EDC3: variants seen among roughly 807,000 people sequenced by gnomAD.
The protein encoded by EDC3 is enhancer of mRNA decapping 3.
In EDC3, 20 loss-of-function variants were observed where a neutral mutation model predicts 41.8. That is an observed-to-expected ratio of 0.48 (90% CI 0.34 to 0.70). The LOEUF is 0.70. Among genes scored for constraint, EDC3 ranks in the 30% least tolerant of loss-of-function variants. The pLI, the probability that EDC3 is intolerant of heterozygous loss-of-function variation, is 0.01. For missense variants in EDC3, 444 were observed against 636.8 expected, an observed-to-expected ratio of 0.70 and a Z score of 3.26; for synonymous variants, 206 against 243.2, an observed-to-expected ratio of 0.85 and a Z score of 1.42.
chr15:74,665,519 C>T (rs551427966), intron 3 of EDC3, among the ~76,000 whole-genome samples: 1 of 152,304 alleles, frequency 6.6e-6, no homozygotes, highest in East Asian at 1.9e-4. Context: ...TATACCCATA[C>T]ACAGAGCTGC....
At chr15:74,679,243 A>G (rs2062842258) in intron 1 of EDC3, among the ~76,000 whole-genome samples, 1 of 152,080 alleles carries the variant, frequency 6.6e-6, no homozygotes, top group Admixed American at 6.6e-5. Flanking sequence ...AATTTGTTCA[A>G]TGTAGCTAGT....
At position 74,632,367 on chromosome 15, in the gene EDC3, C is replaced by CT; in HGVS notation, c.*244dup. The stretch of plus-strand genomic sequence containing the variant: ...AAGGCCCACCTGGCCGTGCAGGGGG[C>CT]TGAGGGTAGAGATGCCTGGAGTTGC... On this transcript the variant is annotated 3_prime_UTR_variant, in exon 7 of 7. Transcript: ENST00000315127. This position sits in a 1 kb window ranked among gnomAD's most constrained non-coding sequence, Gnocchi z 4.0. 1.8e-6 allele frequency: 1 copy of CT among 559,856 alleles called. No homozygotes were observed. Among genetic ancestry groups the CT allele is most frequent in the East Asian group, 3.0e-5 (1 of 32,914 alleles). The allele number at this position is 559,856 out of a possible 1,614,324, so 34.7% of individuals were successfully genotyped here. A position where few individuals can be genotyped will look rare whatever the true frequency, so the allele number is the denominator to read the frequency against.
chr15:74,663,756 G>A (rs2062648312), intron 3 of EDC3, among the ~76,000 whole-genome samples: 2 of 149,714 alleles, frequency 1.3e-5, no homozygotes, highest in Non-Finnish European at 3.0e-5. Flanking sequence ...GCCACATGAT[G>A]AGGAGCTATT....
chr15:74,691,290 T>C (rs1224911993), intron 1 of EDC3, among the ~76,000 whole-genome samples: 1 of 152,170 alleles, frequency 6.6e-6, no homozygotes, highest in Non-Finnish European at 1.5e-5. Context: ...TATACACCTA[T>C]CTCATAGAAC....
intron 1 of EDC3, among the ~76,000 whole-genome samples, chr15:74,690,959 C>A (rs1477242901): frequency 6.6e-6 from 1 of 152,074 alleles, no homozygotes; most frequent in East Asian, 1.9e-4. Flanking sequence ...CTGTGGGAGG[C>A]CAAGGAGGGC....
intron 4 of EDC3, 115 bp downstream of exon 4, chr15:74,655,618 G>A (rs1567164123): frequency 9.4e-7 from 1 of 1,063,730 alleles, no homozygotes. Context: ...CAGCCACCAA[G>A]CCACTTAAAT....
At chr15:74,683,283 C>G (rs770024370) in intron 1 of EDC3, among the ~76,000 whole-genome samples, 1 of 152,220 alleles carries the variant, frequency 6.6e-6, no homozygotes, top group African/African-American at 2.4e-5. Context: ...GCCTGTAATC[C>G]CAGCACTTTG....
At chr15:74,658,861 AC>A (rs1305541933) in intron 3 of EDC3, among the ~76,000 whole-genome samples, 2 of 151,980 alleles carry the variant, frequency 1.3e-5, no homozygotes, top group Non-Finnish European at 2.9e-5. Context: ...AATTGCTTGA[AC>A]CCAGGAGGCG....
At chr15:74,687,914 T>C (rs1268161852) in intron 1 of EDC3, among the ~76,000 whole-genome samples, 1 of 152,236 alleles carries the variant, frequency 6.6e-6, no homozygotes, top group Non-Finnish European at 1.5e-5. Context: ...ACTGTTTTAT[T>C]TAACATATAT....
chr15:74,690,907 G>A (rs965466487), intron 1 of EDC3, among the ~76,000 whole-genome samples: 2 of 152,196 alleles, frequency 1.3e-5, no homozygotes, highest in East Asian at 3.8e-4. Flanking sequence ...CACTGGGTGT[G>A]GTGGCTCACG....
intron 1 of EDC3, among the ~76,000 whole-genome samples, chr15:74,688,400 C>G (rs905278514): frequency 1.3e-5 from 2 of 152,152 alleles, no homozygotes; most frequent in Non-Finnish European, 2.9e-5. Context: ...TGTACACCTC[C>G]CTGAAATTTT....
intron 3 of EDC3, among the ~76,000 whole-genome samples, chr15:74,665,156 T>C (rs1010194249): frequency 1.3e-5 from 2 of 152,082 alleles, no homozygotes; most frequent in South Asian, 2.1e-4. Flanking sequence ...TCCCAAGTAG[T>C]TGGGATTACA....
At chr15:74,675,585 T>C (rs892924919) in intron 1 of EDC3, among the ~76,000 whole-genome samples, 5 of 149,390 alleles carry the variant, frequency 3.3e-5, no homozygotes, top group African/African-American at 1.2e-4. Context: ...TCTGGATAGT[T>C]GTTTTTTTTT....
chr15:74,672,611 T>C (rs1391120603), intron 2 of EDC3, among the ~76,000 whole-genome samples: 2 of 151,832 alleles, frequency 1.3e-5, no homozygotes, highest in Admixed American at 6.6e-5. Context: ...AGGCCAGGAG[T>C]TCGAGACCAG....
Position 74,671,339 on chromosome 15 carries a change from C to G in EDC3, c.484+116G>C. 2 of 1,176,940 alleles carry G rather than the reference C, an allele frequency of 1.7e-6. No individual in the cohort carries two copies. Among genetic ancestry groups the G allele is most frequent in the Non-Finnish European group, 2.4e-6 (2 of 829,070 alleles). The allele number at this position is 1,176,940 out of a possible 1,614,324, so 72.9% of individuals were successfully genotyped here. A position where few individuals can be genotyped will look rare whatever the true frequency, so the allele number is the denominator to read the frequency against. ...AACCATGTTGTATTTCTGTGACGCT[C>G]AGCCAGCATCCATTTTATTGGAATA... is the stretch of plus-strand genomic sequence containing the variant. On this transcript the variant is annotated intron_variant, in intron 3 of 6. Coordinates refer to ENST00000315127, the MANE Select transcript of EDC3 (RefSeq NM_025083.5). The surrounding 1 kb of genome is among the most constrained non-coding windows in gnomAD (Gnocchi z 4.6).
chr15:74,679,473 A>G (rs528144097), intron 1 of EDC3, among the ~76,000 whole-genome samples: 1 of 152,304 alleles, frequency 6.6e-6, no homozygotes, highest in South Asian at 2.1e-4. Context: ...ATTTTAACAG[A>G]ATGAGAAAAT....
chr15:74,636,247 T>C (rs940624291), intron 5 of EDC3: 3 of 154,316 alleles, frequency 1.9e-5, no homozygotes, highest in African/African-American at 7.2e-5. Flanking sequence ...AGTAGCTTAC[T>C]GAAGTTAATG....
At chr15:74,657,283 G>C (rs1021059200) in intron 3 of EDC3, among the ~76,000 whole-genome samples, 2 of 152,210 alleles carry the variant, frequency 1.3e-5, no homozygotes, top group Non-Finnish European at 2.9e-5. Context: ...GGCCTGCACA[G>C]AGTTCGCTCC....
intron 5 of EDC3, chr15:74,638,959 AAAAG>A (rs2062312261): frequency 6.6e-6 from 1 of 152,060 alleles, no homozygotes; most frequent in Admixed American, 6.5e-5. Context: ...AAAAAAAAAA[AAAAG>A]AGACAGACAA....
Sources: gnomAD v4.1 joint callset for allele counts (sites outside exome capture counted in the v4.1 genomes callset) on GRCh38, gnomAD v4.1.1 for gene constraint, Gnocchi (gnomAD v3.1) non-coding constraint, MANE v1.5 for transcripts, NCBI Gene and HGNC (gene_info 2026-07-23, HGNC 2026-07-21) for gene names.